Variants in GALM observed in about 807,000 individuals in gnomAD.
The protein encoded by GALM is aldose 1-epimerase.
Under a neutral mutation model 37.4 loss-of-function variants are expected in GALM, and 43 were observed. That is an observed-to-expected ratio of 1.15 (90% CI 0.90 to 1.48). GALM has a LOEUF of 1.48. Among genes scored for constraint, GALM ranks in the 40% most tolerant of loss-of-function variants. The probability of loss-of-function intolerance (pLI) is 0.00; values close to 1 mark genes in which losing one functional copy is unlikely to be tolerated. For missense variants in GALM, 456 were observed against 419.1 expected, an observed-to-expected ratio of 1.09 and a Z score of -0.77; for synonymous variants, 199 against 170.6, an observed-to-expected ratio of 1.17 and a Z score of -1.30.
At chr2:38,716,813 C>A (rs1399457857) in intron 4 of GALM, among the ~76,000 whole-genome samples, 1 of 152,056 alleles carries the variant, frequency 6.6e-6, no homozygotes, top group Non-Finnish European at 1.5e-5. Flanking sequence ...CTGTGAATAG[C>A]CACTGCACTG....
chr2:38,689,925 G>C (rs140047320), intron 4 of GALM, 31 bp downstream of exon 4: 1 of 1,344,836 alleles, frequency 7.4e-7, no homozygotes, highest in Admixed American at 1.9e-5. Flanking sequence ...TGTGTTATGT[G>C]GGATCATGGA....
rs558247268 is a variant in GALM at position 38,696,438 on chromosome 2, T to C, written c.634+6544T>C. 3.5e-4 allele frequency among the ~76,000 whole-genome samples: 52 copies of C among 150,376 alleles called. 1 individual carries two copies. In the South Asian group the frequency reaches 8.6e-3, roughly 25 times the overall value. On this transcript the variant is annotated intron_variant, in intron 4 of 6. Transcript: ENST00000272252. ...CCAGCTTTTCTTTTTCTTTTCTTTT[T>C]TTTTTTTTTTTTGAGACAGGGTCTC...
chr2:38,729,859 C>G (rs1666564113), intron 5 of GALM, among the ~76,000 whole-genome samples, 162 bp downstream of exon 5: 1 of 152,154 alleles, frequency 6.6e-6, no homozygotes, highest in African/African-American at 2.4e-5. Context: ...CACAGGTGAG[C>G]TCTGTAGAAT....
rs973667808 is a variant in GALM, at chr2:38,733,844, C to A, written c.*279C>A. On this transcript the variant is annotated 3_prime_UTR_variant, in exon 7 of 7. Coordinates refer to ENST00000272252, the MANE Select transcript of GALM (RefSeq NM_138801.3). Reference sequence around the variant, plus strand: ...AGCCCTGACCCTAGCCAGGGACTCCCATGCTGCTGTTGGCTCCATCTCTCC... The same window carrying A: ...AGCCCTGACCCTAGCCAGGGACTCCAATGCTGCTGTTGGCTCCATCTCTCC... 2.4e-6 allele frequency: 1 copy of A among 423,584 alleles called. No individual in the cohort carries two copies. Among genetic ancestry groups the A allele is most frequent in the East Asian group, 5.1e-5 (1 of 19,618 alleles). 26.2% of individuals were successfully genotyped at this position (423,584 alleles called of 1,614,324 possible). A position where few individuals can be genotyped will look rare whatever the true frequency, so the allele number is the denominator to read the frequency against.
intron 3 of GALM, among the ~76,000 whole-genome samples, chr2:38,688,211 CA>C (rs767245322): frequency 0.019 from 2,363 of 124,292 alleles, 18 homozygotes; most frequent in Middle Eastern, 0.036. Context: ...GACTCCGTCT[CA>C]AAAAAAAAAA....
intron 1 of GALM, among the ~76,000 whole-genome samples, chr2:38,674,119 T>G (rs1007633730): frequency 3.9e-5 from 6 of 152,108 alleles, no homozygotes. Context: ...AGTCCTTGTT[T>G]AGGTTGCTAG....
At chr2:38,671,419 G>C (rs780081660) in intron 1 of GALM, 1 of 152,242 alleles carries the variant, frequency 6.6e-6, no homozygotes, top group Non-Finnish European at 1.5e-5. Context: ...GAGGAAGCTA[G>C]ACAGATCTTA....
intron 1 of GALM, chr2:38,669,450 G>A (rs921746523): frequency 1.3e-5 from 2 of 152,218 alleles, no homozygotes; most frequent in East Asian, 1.9e-4. Flanking sequence ...AATTGCTCAC[G>A]CGGTGAGCTC....
At chr2:38,683,518 T>C (rs1256567290) in intron 3 of GALM, among the ~76,000 whole-genome samples, 1 of 152,094 alleles carries the variant, frequency 6.6e-6, no homozygotes, top group Non-Finnish European at 1.5e-5. Flanking sequence ...CTGAGCGTCA[T>C]GTTGGCACTC....
chr2:38,673,873 T>C (rs1462791479), intron 1 of GALM, among the ~76,000 whole-genome samples: 1 of 151,116 alleles, frequency 6.6e-6, no homozygotes, highest in Non-Finnish European at 1.5e-5. Context: ...TGTCATGACA[T>C]GGAGCAATCT....
chr2:38,699,134 G>T (rs80173585), intron 4 of GALM, among the ~76,000 whole-genome samples: 4 of 150,082 alleles, frequency 2.7e-5, no homozygotes, highest in African/African-American at 7.4e-5. Context: ...GGCTGGTTTC[G>T]AACTCCTAAC....
intron 3 of GALM, chr2:38,682,208 A>G: frequency 2.3e-6 from 1 of 431,880 alleles, no homozygotes. Flanking sequence ...CCCTTAAGTG[A>G]TCCCTTCTGA....
At chr2:38,696,781 CTTTTTTTTTTTTTTTT>C (rs34163863) in intron 4 of GALM, among the ~76,000 whole-genome samples, 73 of 68,462 alleles carry the variant, frequency 1.1e-3, no homozygotes, top group African/African-American at 4.5e-3. Context: ...CCCAAGAAAG[CTTTTTTTTTTTTTTTT>C]TTTTTTTTTT....
At chr2:38,701,909 T>G (rs1665929236) in intron 4 of GALM, among the ~76,000 whole-genome samples, 1 of 152,226 alleles carries the variant, frequency 6.6e-6, no homozygotes, top group Non-Finnish European at 1.5e-5. Context: ...GACATATTTG[T>G]TTCAAGCATC....
At chr2:38,668,406 C>T (rs1314752462) in intron 1 of GALM, 1 of 152,140 alleles carries the variant, frequency 6.6e-6, no homozygotes, top group East Asian at 1.9e-4. Flanking sequence ...GGCTGTGACT[C>T]TTACAGGGGA....
intron 4 of GALM, among the ~76,000 whole-genome samples, chr2:38,701,350 T>G (rs2148442940): frequency 6.6e-6 from 1 of 152,316 alleles, no homozygotes; most frequent in South Asian, 2.1e-4. Context: ...TTTTTTTTCC[T>G]TATAATTTTG....
At chr2:38,691,310 G>C (rs939266200) in intron 4 of GALM, among the ~76,000 whole-genome samples, 1 of 152,228 alleles carries the variant, frequency 6.6e-6, no homozygotes, top group African/African-American at 2.4e-5. Context: ...TAAAGGCCAA[G>C]TTATTTTACT....
At chr2:38,696,812 C>T (rs1665817644) in intron 4 of GALM, among the ~76,000 whole-genome samples, 1 of 90,460 alleles carries the variant, frequency 1.1e-5, no homozygotes, top group Non-Finnish European at 1.9e-5. Flanking sequence ...TTTTTTGAGA[C>T]AGAGTCTTGC....
intron 4 of GALM, among the ~76,000 whole-genome samples, chr2:38,694,622 C>T (rs1384812603): frequency 2.6e-5 from 4 of 151,966 alleles, no homozygotes; most frequent in African/African-American, 7.2e-5. Flanking sequence ...TCAGGCTGGG[C>T]GCAGTGGCTC....
Sources: gnomAD v4.1 joint callset for allele counts (sites outside exome capture counted in the v4.1 genomes callset) on GRCh38, gnomAD v4.1.1 for gene constraint, MANE v1.5 for transcripts, NCBI Gene and HGNC (gene_info 2026-07-23, HGNC 2026-07-21) for gene names.